The following PATJ variants were observed in gnomAD, a reference collection of about 807,000 sequenced individuals.
PATJ encodes PATJ crumbs cell polarity complex component.
Under a neutral mutation model 224.9 loss-of-function variants are expected in PATJ, and 190 were observed. The observed-to-expected ratio is 0.84, with a 90% confidence interval of 0.75 to 0.95. The LOEUF is 0.95. PATJ is among the 40% of genes least tolerant of loss of function. The probability of loss-of-function intolerance (pLI) is 0.00; values close to 1 mark genes in which losing one functional copy is unlikely to be tolerated. For synonymous variants in PATJ, 769 were observed against 820.3 expected (o/e 0.94, Z 1.07); for missense variants, 2,121 against 2,270.3 (o/e 0.93, Z 1.34).
rs1648979729 is a variant in PATJ at position 61,788,118 on chromosome 1, A to G, written c.1068+146A>G. On this transcript the variant is annotated intron_variant, in intron 8 of 43. Transcript: ENST00000642238. ...CAGGAAAAAAAAAACTTATTGGGAG[A>G]CATTAGACATGTTGGTTTTCTGTTT... 6.5e-6 allele frequency: 4 copies of G among 610,882 alleles called. No individual in the cohort carries two copies. The South Asian group carries it at 9.0e-5, about 14-fold the overall frequency. 37.8% of individuals were successfully genotyped at this position (610,882 alleles called of 1,614,324 possible).
intron 28 of PATJ, among the ~76,000 whole-genome samples, chr1:62,015,412 A>G (rs1646716935): frequency 1.3e-5 from 2 of 152,216 alleles, no homozygotes; most frequent in African/African-American, 4.8e-5. Flanking sequence ...TAAAGGCATT[A>G]TCTTGTTTAA....
rs1295183383 is a variant in PATJ at position 61,813,340 on chromosome 1, T to TATAG, written c.1683+4813_1683+4814insGATA. ...TCAACCTCTATGGAATGTACATATA[T>TATAG]ATATATATATATATATATATATATA... is the stretch of plus-strand genomic sequence containing the variant. On this transcript the variant is annotated intron_variant, in intron 14 of 43. Coordinates refer to ENST00000642238, the MANE Select transcript of PATJ (RefSeq NM_001350145.3). Among the ~76,000 whole-genome samples the TATAG allele has an allele frequency of 1.4e-3, 51 of 36,222 alleles. 1 individual carries two copies. Among genetic ancestry groups the TATAG allele is most frequent in the East Asian group, 2.5e-3 (5 of 1,986 alleles). 23.8% of individuals were successfully genotyped at this position (36,222 alleles called of 152,430 possible). A position where few individuals can be genotyped will look rare whatever the true frequency, so the allele number is the denominator to read the frequency against.
At chr1:61,925,462 C>T (rs1183100391) in intron 26 of PATJ, among the ~76,000 whole-genome samples, 1 of 152,186 alleles carries the variant, frequency 6.6e-6, no homozygotes, top group Non-Finnish European at 1.5e-5. Context: ...CAGAACCAAA[C>T]TTGGTCTCAT....
chr1:61,874,172 T>TTTTTTTTA (rs1553187193), intron 20 of PATJ, among the ~76,000 whole-genome samples: 10 of 139,776 alleles, frequency 7.2e-5, no homozygotes, highest in South Asian at 2.4e-4. Context: ...CTTGGGCCTA[T>TTTTTTTTA]TTTATTTATT....
chr1:62,110,846 C>A (rs75024737), intron 34 of PATJ, among the ~76,000 whole-genome samples: 2,758 of 152,268 alleles, frequency 0.018, 88 homozygotes, highest in African/African-American at 0.063. Flanking sequence ...CTTCCTGGAG[C>A]CTTTCTTCTC....
intron 1 of PATJ, among the ~76,000 whole-genome samples, chr1:61,746,883 CTG>C (rs1645049965): frequency 6.6e-6 from 1 of 152,158 alleles, no homozygotes; most frequent in Admixed American, 6.5e-5. Context: ...AGAGAAAAAT[CTG>C]TATATATGTT....
chr1:61,918,852 A>G (rs1673847231), intron 26 of PATJ, among the ~76,000 whole-genome samples: 1 of 152,052 alleles, frequency 6.6e-6, no homozygotes, highest in African/African-American at 2.4e-5. Context: ...AGTCCCAGCT[A>G]CTTGGGAGGC....
chr1:61,813,342 T>TAG (rs201945971), intron 14 of PATJ, among the ~76,000 whole-genome samples: 3,295 of 44,946 alleles, frequency 0.073, 62 homozygotes, highest in South Asian at 0.15. Flanking sequence ...TACATATATA[T>TAG]ATATATATAT....
At chr1:62,153,274 C>G in intron 42 of PATJ, 84 bp from the exon 43 acceptor site, 3 of 1,052,690 alleles carry the variant, frequency 2.8e-6, no homozygotes, top group Non-Finnish European at 3.6e-6. Flanking sequence ...ATGAAAGTCT[C>G]TCTCAAATCT....
intron 27 of PATJ, among the ~76,000 whole-genome samples, chr1:61,984,649 T>C (rs1644643856): frequency 1.3e-5 from 2 of 152,196 alleles, no homozygotes; most frequent in South Asian, 2.1e-4. Flanking sequence ...TTATTGGAAA[T>C]GTCAACCAAA....
intron 41 of PATJ, among the ~76,000 whole-genome samples, chr1:62,144,777 A>AATATAT (rs1553280095): frequency 0.04 from 4,812 of 119,020 alleles, 161 homozygotes; most frequent in Non-Finnish European, 0.044. Flanking sequence ...AAAAAAAAAA[A>AATATAT]ATATATATAT....
intron 31 of PATJ, among the ~76,000 whole-genome samples, chr1:62,063,493 T>C (rs1655896679): frequency 6.6e-6 from 1 of 152,172 alleles, no homozygotes; most frequent in African/African-American, 2.4e-5. Context: ...ATTTAGGCCC[T>C]TTTTTGGTGC....
At chr1:62,121,826 A>T (rs189468054) in intron 38 of PATJ, among the ~76,000 whole-genome samples, 59 of 152,228 alleles carry the variant, frequency 3.9e-4, no homozygotes, top group African/African-American at 1.4e-3. Flanking sequence ...CACCTGAAAA[A>T]CAGAAAAGCA....
At chr1:61,842,979 T>A (rs1057103986) in intron 17 of PATJ, among the ~76,000 whole-genome samples, 1 of 152,032 alleles carries the variant, frequency 6.6e-6, no homozygotes, top group Non-Finnish European at 1.5e-5. Flanking sequence ...GTATTGGAAA[T>A]CTGTTTGTTC....
intron 22 of PATJ, among the ~76,000 whole-genome samples, chr1:61,899,132 G>A (rs2482879): frequency 0.22 from 33,971 of 152,018 alleles, 4,258 homozygotes; most frequent in African/African-American, 0.34. Flanking sequence ...TACAAATGAC[G>A]GGGAAATACT....
rs187047284 is a variant in PATJ, at chr1:61,986,800, T to C, written c.3671-3368T>C. ...TCTAAGAAGTAGGTTTTAATTTCAC[T>C]GAACTTCAGAATGCATTTTTATTTT... On this transcript the variant is annotated intron_variant, in intron 27 of 43. Transcript: ENST00000642238. 1.3e-4 allele frequency among the ~76,000 whole-genome samples: 20 copies of C among 152,326 alleles called. No homozygotes were observed. In the East Asian group the frequency reaches 2.3e-3, roughly 18 times the overall value.
chr1:62,007,566 T>G (rs1646166925), intron 28 of PATJ, among the ~76,000 whole-genome samples: 1 of 152,248 alleles, frequency 6.6e-6, no homozygotes, highest in South Asian at 2.1e-4. Flanking sequence ...AGCAGGAGCC[T>G]AAGAAACCAT....
chr1:61,773,353 A>G (rs1013071875), intron 6 of PATJ, among the ~76,000 whole-genome samples: 3 of 152,092 alleles, frequency 2.0e-5, no homozygotes, highest in African/African-American at 7.2e-5. Flanking sequence ...AAGACTGCAT[A>G]GTAACTTTGC....
intron 20 of PATJ, among the ~76,000 whole-genome samples, chr1:61,869,206 A>C (rs1354948011): frequency 7.1e-6 from 1 of 141,302 alleles, no homozygotes; most frequent in Non-Finnish European, 1.5e-5. Context: ...TCCCGGGTTC[A>C]CGCCATTCTC....
Sources: allele counts gnomAD v4.1 joint callset (sites outside exome capture counted in the v4.1 genomes callset), GRCh38; gene constraint gnomAD v4.1.1; transcripts MANE v1.5; gene names NCBI Gene and HGNC (gene_info 2026-07-23, HGNC 2026-07-21).